RBFOX1: variants seen among roughly 807,000 people sequenced by gnomAD.
RBFOX1 encodes RNA binding protein fox-1 homolog 1.
In RBFOX1, 8 loss-of-function variants were observed where a neutral mutation model predicts 57.7. The observed-to-expected ratio is 0.14, with a 90% confidence interval of 0.08 to 0.25. RBFOX1 has a LOEUF of 0.25. RBFOX1 is among the 10% of genes least tolerant of loss of function. The pLI, the probability that RBFOX1 is intolerant of heterozygous loss-of-function variation, is 1.00. For synonymous variants in RBFOX1, 326 were observed against 222.4 expected (o/e 1.47, Z -4.15); for missense variants, 611 against 548.5 (o/e 1.11, Z -1.14).
At chr16:5,978,643 C>G (rs2060113970) in intron 4 of RBFOX1, among the ~76,000 whole-genome samples, 1 of 150,912 alleles carries the variant, frequency 6.6e-6, no homozygotes, top group Non-Finnish European at 1.5e-5. Context: ...GAAAAAGACT[C>G]AGAGTCTCAA....
chr16:5,709,989 A>C (rs1016358338), intron 3 of RBFOX1, among the ~76,000 whole-genome samples: 21 of 149,446 alleles, frequency 1.4e-4, no homozygotes, highest in African/African-American at 4.7e-4. Flanking sequence ...TGGGTCTCTA[A>C]CTCAGGCGCA....
At chr16:6,816,275 C>T (rs1041461105) in intron 3 of RBFOX1, among the ~76,000 whole-genome samples, 2 of 152,188 alleles carry the variant, frequency 1.3e-5, no homozygotes, top group Non-Finnish European at 2.9e-5. Context: ...CACTATTGCA[C>T]TCGCACTTGA....
At chr16:6,619,027 A>G (rs1382959966) in intron 2 of RBFOX1, among the ~76,000 whole-genome samples, 1 of 152,174 alleles carries the variant, frequency 6.6e-6, no homozygotes, top group Non-Finnish European at 1.5e-5. Flanking sequence ...ATCGTTTCCC[A>G]GGGGATCAGG....
At chr16:5,623,863 A>C (rs2048270872) in intron 3 of RBFOX1, among the ~76,000 whole-genome samples, 1 of 152,190 alleles carries the variant, frequency 6.6e-6, no homozygotes, top group African/African-American at 2.4e-5. Context: ...GATATCATTC[A>C]TATACAGTAC....
chr16:7,132,271 C>A (rs74545210), intron 4 of RBFOX1, among the ~76,000 whole-genome samples: 10,155 of 151,998 alleles, frequency 0.067, 1,176 homozygotes, highest in African/African-American at 0.23. Context: ...ATGAGATACC[C>A]TGTCCGGCCA....
intron 2 of RBFOX1, among the ~76,000 whole-genome samples, chr16:6,320,882 C>T (rs1599606737): frequency 6.6e-6 from 1 of 152,164 alleles, no homozygotes; most frequent in South Asian, 2.1e-4. Context: ...CAGCCTTCAC[C>T]TCCTGGGTTC....
chr16:7,316,746 G>A (rs1462424489), intron 4 of RBFOX1, among the ~76,000 whole-genome samples: 2 of 152,098 alleles, frequency 1.3e-5, no homozygotes, highest in Non-Finnish European at 2.9e-5. Context: ...AGGTAGGCAA[G>A]GAGGTGGGGT....
At chr16:7,572,700 G>A (rs1032861028) in intron 5 of RBFOX1, among the ~76,000 whole-genome samples, 5 of 152,222 alleles carry the variant, frequency 3.3e-5, no homozygotes, top group African/African-American at 7.2e-5. Flanking sequence ...TTAGCTGGGC[G>A]TAGTGGCTGG....
At chr16:6,218,694 C>A (rs1168743019) in intron 1 of RBFOX1, among the ~76,000 whole-genome samples, 1 of 152,152 alleles carries the variant, frequency 6.6e-6, no homozygotes, top group Non-Finnish European at 1.5e-5. Context: ...TATCATTGTT[C>A]TACATGGAAA....
intron 3 of RBFOX1, among the ~76,000 whole-genome samples, chr16:5,707,367 A>G (rs2051290126): frequency 6.6e-6 from 1 of 152,174 alleles, no homozygotes; most frequent in Non-Finnish European, 1.5e-5. Flanking sequence ...AGCCTCAAGG[A>G]AAAGGGTGTG....
chr16:6,590,727 C>G (rs1030497493), intron 2 of RBFOX1, among the ~76,000 whole-genome samples: 2 of 152,122 alleles, frequency 1.3e-5, no homozygotes, highest in Non-Finnish European at 2.9e-5. Flanking sequence ...TATTGACGGT[C>G]GTACATTTCC....
At chr16:5,276,340 T>C (rs2063139609) in intron 1 of RBFOX1, among the ~76,000 whole-genome samples, 2 of 151,854 alleles carry the variant, frequency 1.3e-5, no homozygotes, top group South Asian at 4.2e-4. Context: ...AAGAAAAAAA[T>C]AATCCCATCA....
intron 3 of RBFOX1, among the ~76,000 whole-genome samples, chr16:5,776,756 T>C (rs949469291): frequency 9.2e-5 from 14 of 152,294 alleles, no homozygotes; most frequent in Admixed American, 2.6e-4. Flanking sequence ...CACCTTATGT[T>C]GTCCTTATGC....
intron 9 of RBFOX1, 146 bp from the exon 10 acceptor site, chr16:7,607,139 A>G: frequency 4.8e-6 from 3 of 624,192 alleles, no homozygotes; most frequent in Non-Finnish European, 7.9e-6. Flanking sequence ...GTTTTTAAGT[A>G]TTTTTATGCA....
chr16:6,829,890 C>A (rs775853744), intron 3 of RBFOX1, among the ~76,000 whole-genome samples: 1 of 152,080 alleles, frequency 6.6e-6, no homozygotes, highest in African/African-American at 2.4e-5. Flanking sequence ...GTGTAAACCA[C>A]CATGCCCAGC....
At chr16:5,756,660 C>G (rs942873832) in intron 3 of RBFOX1, among the ~76,000 whole-genome samples, 5 of 152,160 alleles carry the variant, frequency 3.3e-5, no homozygotes, top group Admixed American at 6.5e-5. Context: ...CATCGAATGA[C>G]TAATTGATAA....
rs541406504 is a variant in RBFOX1, at chr16:5,390,543, C to A, written c.220-76673C>A. Among the ~76,000 whole-genome samples, 5 of 152,272 alleles carry A rather than the reference C, an allele frequency of 3.3e-5. No individual in the cohort carries two copies. The South Asian group carries it at 1.0e-3, about 32-fold the overall frequency. On this transcript the variant is annotated intron_variant, in intron 1 of 2. Transcript: ENST00000585867. ...ACCTCAAGTGATCCACCTGCCTCGGCCTCCCAAAGTGCTGGGTTTGCAGGT... is the reference window on the plus strand; with the variant it reads ...ACCTCAAGTGATCCACCTGCCTCGGACTCCCAAAGTGCTGGGTTTGCAGGT...
intron 3 of RBFOX1, among the ~76,000 whole-genome samples, chr16:5,673,218 A>C (rs2151421376): frequency 6.6e-6 from 1 of 152,208 alleles, no homozygotes; most frequent in South Asian, 2.1e-4. Flanking sequence ...TTCAAGTAGA[A>C]GTCACAGAGA....
chr16:7,496,663 A>C (rs1204898923), intron 4 of RBFOX1, among the ~76,000 whole-genome samples: 1 of 148,210 alleles, frequency 6.7e-6, no homozygotes, highest in Admixed American at 6.9e-5. Context: ...ATGTATTTAC[A>C]TTCCAACAAT....
Sources: allele counts gnomAD v4.1 joint callset (sites outside exome capture counted in the v4.1 genomes callset), GRCh38; gene constraint gnomAD v4.1.1; transcripts MANE v1.5; gene names NCBI Gene and HGNC (gene_info 2026-07-23, HGNC 2026-07-21).